The following PIEZO2 variants were observed in gnomAD, a reference collection of about 807,000 sequenced individuals.
PIEZO2 encodes the protein piezo type mechanosensitive ion channel component 2, also known as piezo-type mechanosensitive ion channel component 2.
In PIEZO2, 172 loss-of-function variants were observed where a neutral mutation model predicts 337.3. That is an observed-to-expected ratio of 0.51 (90% confidence interval 0.45 to 0.58). The LOEUF is 0.58. Ranked by LOEUF, PIEZO2 falls within the 20% of genes least tolerant of loss-of-function variation. PIEZO2 has a pLI of 0.00. For synonymous variants in PIEZO2, 1,251 were observed against 1,228.5 expected (o/e 1.02, Z -0.38); for missense variants, 3,028 against 3,391.3 (o/e 0.89, Z 2.66).
Position 11,038,622 on chromosome 18 carries a change from G to C in PIEZO2, c.160+27505C>G, listed in dbSNP as rs1457444313. ...CAGCTGAGGAGCAGCATGTAGTCAG[G>C]AAAGAGCATTCCATCAGAGCCCAGA... On this transcript the variant is annotated intron_variant, in intron 2 of 55. Transcript: ENST00000674853. The surrounding 1 kb of genome is among the most constrained non-coding windows in gnomAD (Gnocchi z 4.1). Among the ~76,000 whole-genome samples, 3 of 152,168 alleles carry C rather than the reference G, an allele frequency of 2.0e-5. No individual in the cohort carries two copies. The highest frequency in any genetic ancestry group is 7.2e-5 in the African/African-American group (3 of 41,434).
chr18:10,700,485 C>CA (rs1218975410), intron 43 of PIEZO2, among the ~76,000 whole-genome samples: 2 of 151,190 alleles, frequency 1.3e-5, no homozygotes, highest in African/African-American at 2.4e-5. Flanking sequence ...TTGAAATTTT[C>CA]AAAAAAAGAA....
rs1338182403 is a variant in PIEZO2, at chr18:10,794,795, C to G, written c.1735G>C (p.Glu579Gln). The G allele has an allele frequency of 2.0e-5, 30 of 1,534,468 alleles. No individual in the cohort carries two copies. The highest frequency in any genetic ancestry group is 3.5e-6 in the Non-Finnish European group (4 of 1,145,678). ...ACTTTGGAAGCAAGTTCTCCTGGCTCTTTCTTTTCTAAAAATCCTGGAACT... is the reference window on the plus strand; with the variant it reads ...ACTTTGGAAGCAAGTTCTCCTGGCTGTTTCTTTTCTAAAAATCCTGGAACT... ...KKVPGFLEKK[E>Q]PGELASKILF... Residue 579 changes from glutamate to glutamine, a missense_variant, in exon 13 of 56, where the codon GAG (glutamate) becomes CAG (glutamine). This residue lies in a region of PIEZO2 where 1,925 missense variants were observed against 2,051.9 expected (regional missense o/e 0.94). Transcript: ENST00000674853. The surrounding 1 kb of genome is among the most constrained non-coding windows in gnomAD (Gnocchi z 6.6).
chr18:10,835,918 G>T (rs1457772755), intron 7 of PIEZO2, among the ~76,000 whole-genome samples: 3 of 152,228 alleles, frequency 2.0e-5, no homozygotes, highest in Non-Finnish European at 4.4e-5. Context: ...CGATTGCAAA[G>T]ATCGGATGAA....
intron 2 of PIEZO2, among the ~76,000 whole-genome samples, chr18:11,037,521 T>G (rs1288465867): frequency 6.6e-6 from 1 of 152,098 alleles, no homozygotes; most frequent in Non-Finnish European, 1.5e-5. Context: ...GCAATTAGAG[T>G]AGATTGTAAG....
intron 36 of PIEZO2, among the ~76,000 whole-genome samples, chr18:10,722,957 ATTTTTTTTTTTT>A (rs36042609): frequency 3.6e-4 from 30 of 84,340 alleles, no homozygotes; most frequent in African/African-American, 1.2e-3. Flanking sequence ...GGATGCAGTG[ATTTTTTTTTTTT>A]TTTTTTTTTT....
In PIEZO2 at chr18:11,109,267, C is replaced by T. The variant is rs1332584707; in HGVS notation, c.64+39258G>A. Among the ~76,000 whole-genome samples, 2 of 152,194 alleles carry T rather than the reference C, an allele frequency of 1.3e-5. No homozygotes were observed. Among genetic ancestry groups the T allele is most frequent in the African/African-American group, 2.4e-5 (1 of 41,448 alleles). ...ATGATCATTTAAGGAGGGTAAAAAG[C>T]TCCAGTCAAAGGTATTGCTGAATTA... On this transcript the variant is annotated intron_variant, in intron 1 of 55. Transcript: ENST00000674853. The surrounding 1 kb of genome is among the most constrained non-coding windows in gnomAD (Gnocchi z 5.1).
chr18:10,880,462 G>A (rs1022315360), intron 4 of PIEZO2, among the ~76,000 whole-genome samples: 30 of 152,212 alleles, frequency 2.0e-4, no homozygotes, highest in African/African-American at 7.0e-4. Context: ...ATGAGACCAG[G>A]AAAGAAGAAA....
chr18:11,093,673 G>A (rs578114644), intron 1 of PIEZO2, among the ~76,000 whole-genome samples: 17 of 133,204 alleles, frequency 1.3e-4, no homozygotes, highest in African/African-American at 3.3e-4. Flanking sequence ...TGCAAGCTCC[G>A]CCTCCCGGGT....
chr18:10,860,643 T>C (rs1318362732), intron 5 of PIEZO2, among the ~76,000 whole-genome samples: 1 of 152,244 alleles, frequency 6.6e-6, no homozygotes, highest in Admixed American at 6.5e-5. Flanking sequence ...CCAAAACCTT[T>C]AGTCATTGCA....
rs963257316 is a variant in PIEZO2 at position 11,109,541 on chromosome 18, C to A, written c.64+38984G>T. On this transcript the variant is annotated intron_variant, in intron 1 of 55. Transcript: ENST00000674853. The surrounding 1 kb of genome is among the most constrained non-coding windows in gnomAD (Gnocchi z 5.1). Reference sequence around the variant, plus strand: ...GACGACCCTGGCCAAGATGGCGAAACCCCGTCTCTACTGAAAATACAAAAA... The same window carrying A: ...GACGACCCTGGCCAAGATGGCGAAAACCCGTCTCTACTGAAAATACAAAAA... Among the ~76,000 whole-genome samples, 7 of 141,092 alleles carry A rather than the reference C, an allele frequency of 5.0e-5. No individual in the cohort carries two copies. Among genetic ancestry groups the A allele is most frequent in the African/African-American group, 1.6e-4 (6 of 36,914 alleles). 92.6% of individuals were successfully genotyped at this position (141,092 alleles called of 152,430 possible).
rs192176049 is a variant in PIEZO2 at position 10,706,564 on chromosome 18, G to A, written c.5589-818C>T. 5.9e-5 allele frequency among the ~76,000 whole-genome samples: 9 copies of A among 152,258 alleles called. No homozygotes were observed. In the East Asian group the frequency reaches 1.7e-3, roughly 29 times the overall value. ...TACTTTCTTCTACCAGTTCCTCTTT[G>A]AGTAGTCCTTTTCCAGAAGCTTCTC... On this transcript the variant is annotated intron_variant, in intron 40 of 55. Transcript: ENST00000674853.
At position 10,773,960 on chromosome 18, in the gene PIEZO2, G is replaced by A; in HGVS notation, c.2567+46C>T. 1.4e-6 allele frequency: 1 copy of A among 702,270 alleles called. No individual in the cohort carries two copies. The highest frequency in any genetic ancestry group is 2.6e-6 in the Non-Finnish European group (1 of 384,804). 43.5% of individuals were successfully genotyped at this position (702,270 alleles called of 1,614,324 possible). A position where few individuals can be genotyped will look rare whatever the true frequency, so the allele number is the denominator to read the frequency against. On this transcript the variant is annotated intron_variant, in intron 19 of 55. Coordinates refer to ENST00000674853, the MANE Select transcript of PIEZO2 (RefSeq NM_001378183.1). The surrounding 1 kb of genome is among the most constrained non-coding windows in gnomAD (Gnocchi z 5.3). ...AGTTTAGGGTGTAGAAGCATGAAATGGCATCATGTAGAGCAAGCATTTCAT... is the reference window on the plus strand; with the variant it reads ...AGTTTAGGGTGTAGAAGCATGAAATAGCATCATGTAGAGCAAGCATTTCAT...
rs1008180156 is a variant in PIEZO2, at chr18:10,750,260, C to A, written c.4168-73G>T. On this transcript the variant is annotated intron_variant, in intron 28 of 55. Transcript: ENST00000674853. This position sits in a 1 kb window ranked among gnomAD's most constrained non-coding sequence, Gnocchi z 4.1. Reference sequence around the variant, plus strand: ...AAAAAGTGGTGTTTTATGATCCCAACATGTGCAAGAATTCACAAGGTCTCA... The same window carrying A: ...AAAAAGTGGTGTTTTATGATCCCAAAATGTGCAAGAATTCACAAGGTCTCA... The A allele has an allele frequency of 9.3e-7, 1 of 1,077,870 alleles. No homozygotes were observed. The highest frequency in any genetic ancestry group is 1.4e-6 in the Non-Finnish European group (1 of 730,198). The allele number at this position is 1,077,870 out of a possible 1,614,324, so 66.8% of individuals were successfully genotyped here.
At chr18:11,086,446 G>A (rs1391602940) in intron 1 of PIEZO2, among the ~76,000 whole-genome samples, 2 of 151,422 alleles carry the variant, frequency 1.3e-5, no homozygotes, top group African/African-American at 4.9e-5. Flanking sequence ...CTGAACCCGG[G>A]AGGCGGAGCT....
chr18:10,743,322 A>AG (rs893868068), intron 31 of PIEZO2, among the ~76,000 whole-genome samples: 2 of 152,186 alleles, frequency 1.3e-5, no homozygotes, highest in African/African-American at 2.4e-5. Flanking sequence ...GAACTTTCCC[A>AG]GGGGGCAAAT....
rs1287432410 is a variant in PIEZO2, at chr18:11,128,888, T to C, written c.64+19637A>G. Among the ~76,000 whole-genome samples, 1 of 152,152 alleles carries C rather than the reference T, an allele frequency of 6.6e-6. No individual in the cohort carries two copies. The highest frequency in any genetic ancestry group is 1.5e-5 in the Non-Finnish European group (1 of 68,022). On this transcript the variant is annotated intron_variant, in intron 1 of 55. Coordinates refer to ENST00000674853, the MANE Select transcript of PIEZO2 (RefSeq NM_001378183.1). This position sits in a 1 kb window ranked among gnomAD's most constrained non-coding sequence, Gnocchi z 4.1. ...AATGGATATTAAGGGTATGGGATAA[T>C]AGTGGAAGGAACAAAGAGTTGGATC...
At chr18:10,701,905 T>A (rs1001335138) in intron 43 of PIEZO2, 84 bp downstream of exon 43, 2 of 1,238,442 alleles carry the variant, frequency 1.6e-6, no homozygotes, top group Non-Finnish European at 2.1e-6. Context: ...CCAATCCTGA[T>A]GTCCAGGTTA....
intron 4 of PIEZO2, among the ~76,000 whole-genome samples, chr18:10,898,231 C>T (rs2042953261): frequency 6.6e-6 from 1 of 152,072 alleles, no homozygotes; most frequent in African/African-American, 2.4e-5. Context: ...ACCATCCTGG[C>T]TAACATGATG....
chr18:10,717,224 C>T (rs2036046916), intron 37 of PIEZO2, among the ~76,000 whole-genome samples: 1 of 152,208 alleles, frequency 6.6e-6, no homozygotes, highest in Admixed American at 6.5e-5. Flanking sequence ...GCCTGAGAAA[C>T]AAGACATGTG....
Sources: allele counts gnomAD v4.1 joint callset (sites outside exome capture counted in the v4.1 genomes callset), GRCh38; gene constraint gnomAD v4.1.1; regional missense constraint gnomAD v4.1.1; non-coding constraint Gnocchi (gnomAD v3.1); transcripts MANE v1.5; gene names NCBI Gene and HGNC (gene_info 2026-07-23, HGNC 2026-07-21).